Variants in SOX6 observed in about 807,000 individuals in gnomAD.
SOX6 encodes the protein transcription factor SOX-6.
SOX6 carries 11 observed loss-of-function variants against 97.8 expected under a neutral mutation model. That is an observed-to-expected ratio of 0.11 (90% CI 0.07 to 0.19). SOX6 has a LOEUF of 0.19. SOX6 is among the 10% of genes least tolerant of loss of function. SOX6 has a pLI of 1.00. For synonymous variants in SOX6, 360 were observed against 371.4 expected, an observed-to-expected ratio of 0.97 and a Z score of 0.35; for missense variants, 810 against 1,039.5, an observed-to-expected ratio of 0.78 and a Z score of 3.04.
intron 6 of SOX6, among the ~76,000 whole-genome samples, chr11:16,154,484 A>G (rs1850545419): frequency 6.6e-6 from 1 of 152,048 alleles, no homozygotes; most frequent in Non-Finnish European, 1.5e-5. Context: ...GAAATCAGCT[A>G]TTGATGCTTC....
At chr11:16,041,954 TAA>T (rs1379406852) in intron 12 of SOX6, among the ~76,000 whole-genome samples, 1 of 152,168 alleles carries the variant, frequency 6.6e-6, no homozygotes, top group East Asian at 1.9e-4. Flanking sequence ...AAGAAAAATT[TAA>T]AAACTAAACA....
chr11:16,419,924 T>C (rs1590196247), intron 1 of SOX6, among the ~76,000 whole-genome samples: 1 of 152,168 alleles, frequency 6.6e-6, no homozygotes, highest in East Asian at 1.9e-4. Context: ...AGAACATCCC[T>C]ACATGACGGG....
At chr11:16,052,572 G>C (rs1413604592) in intron 10 of SOX6, among the ~76,000 whole-genome samples, 1 of 151,882 alleles carries the variant, frequency 6.6e-6, no homozygotes, top group Admixed American at 6.6e-5. Flanking sequence ...GTGTCATTTT[G>C]GGGTCTATTT....
At chr11:16,541,187 TC>T (rs1861402587) in intron 4 of SOX6, among the ~76,000 whole-genome samples, 3 of 152,190 alleles carry the variant, frequency 2.0e-5, no homozygotes, top group Admixed American at 6.5e-5. Flanking sequence ...AGCCATCTGA[TC>T]TTTGACAAAA....
intron 3 of SOX6, among the ~76,000 whole-genome samples, chr11:16,616,831 T>C (rs1367058538): frequency 1.3e-5 from 2 of 151,926 alleles, no homozygotes; most frequent in African/African-American, 4.8e-5. Flanking sequence ...TTCTGACTTA[T>C]CAAATGATAT....
chr11:16,502,423 G>A (rs988343771), intron 4 of SOX6, among the ~76,000 whole-genome samples: 10 of 151,324 alleles, frequency 6.6e-5, no homozygotes, highest in African/African-American at 2.4e-4. Flanking sequence ...TAACAAACGT[G>A]CACGTTGTTA....
intron 4 of SOX6, among the ~76,000 whole-genome samples, chr11:16,591,096 A>G (rs1848144849): frequency 6.6e-6 from 1 of 152,126 alleles, no homozygotes; most frequent in Admixed American, 6.6e-5. Flanking sequence ...ATTAATTTTA[A>G]AAAGGTCTGT....
intron 4 of SOX6, among the ~76,000 whole-genome samples, chr11:16,603,770 TA>T (rs1459958968): frequency 2.6e-5 from 4 of 151,804 alleles, no homozygotes; most frequent in African/African-American, 9.7e-5. Context: ...CTCTTACCAA[TA>T]GTTGAACAGC....
intron 1 of SOX6, among the ~76,000 whole-genome samples, chr11:16,396,270 C>T (rs567124411): frequency 2.0e-4 from 31 of 151,738 alleles, no homozygotes; most frequent in African/African-American, 6.5e-4. Context: ...TTTATTATTT[C>T]ACTTACAATA....
chr11:16,618,860 C>G (rs1001402942), intron 3 of SOX6, among the ~76,000 whole-genome samples: 1 of 151,980 alleles, frequency 6.6e-6, no homozygotes, highest in Non-Finnish European at 1.5e-5. Context: ...AATAATAACA[C>G]AGAATTATTT....
intron 15 of SOX6, among the ~76,000 whole-genome samples, chr11:15,979,849 T>C (rs184279402): frequency 2.2e-4 from 34 of 152,144 alleles, no homozygotes; most frequent in African/African-American, 8.2e-4. Flanking sequence ...AAACTTCCTA[T>C]CCCTTTCCCT....
chr11:16,736,129 A>G (rs1026766920), intron 2 of SOX6, among the ~76,000 whole-genome samples: 1 of 152,188 alleles, frequency 6.6e-6, no homozygotes. Flanking sequence ...CATCCTTCCT[A>G]TATTAATTCA....
chr11:16,507,069 T>TAAC (rs1486958603), intron 4 of SOX6, among the ~76,000 whole-genome samples: 1 of 151,738 alleles, frequency 6.6e-6, no homozygotes, highest in African/African-American at 2.4e-5. Flanking sequence ...GTCTCAAAAA[T>TAAC]AATAATAATA....
upstream of SOX6, among the ~76,000 whole-genome samples, chr11:16,477,906 G>A (rs561801081): frequency 8.9e-4 from 135 of 152,250 alleles, 1 homozygote; most frequent in Non-Finnish European, 9.4e-4. Flanking sequence ...AGTCTGGCTA[G>A]CTCTGTCATT....
intron 2 of SOX6, among the ~76,000 whole-genome samples, chr11:16,734,240 AATCATCAACC>A (rs1034631976): frequency 1.4e-4 from 21 of 152,188 alleles, no homozygotes; most frequent in Non-Finnish European, 2.9e-5. Flanking sequence ...GGAGTTACCC[AATCATCAACC>A]ATCATCAACC....
chr11:16,104,244 A>T (rs1464099079), intron 7 of SOX6, among the ~76,000 whole-genome samples: 3 of 151,992 alleles, frequency 2.0e-5, no homozygotes, highest in South Asian at 2.1e-4. Context: ...CAACTATTAC[A>T]ATAGCAGTTC....
chr11:16,418,527 AAG>A (rs774007684), intron 1 of SOX6, among the ~76,000 whole-genome samples: 62 of 152,186 alleles, frequency 4.1e-4, no homozygotes, highest in Non-Finnish European at 7.9e-4. Context: ...CATCTGGAAT[AAG>A]AGAAATGGGA....
chr11:16,326,043 G>A (rs722746), intron 2 of SOX6, among the ~76,000 whole-genome samples: 59,640 of 151,896 alleles, frequency 0.39, 12,424 homozygotes, highest in East Asian at 0.48. Context: ...AGAAATAAAT[G>A]TCTGTTGTTT....
At chr11:16,136,565 A>AT (rs1304034860) in intron 6 of SOX6, among the ~76,000 whole-genome samples, 2 of 151,690 alleles carry the variant, frequency 1.3e-5, no homozygotes, top group Non-Finnish European at 2.9e-5. Flanking sequence ...ATTTTTGAAA[A>AT]TTTTTTTGTA....
Sources: gnomAD v4.1 joint callset for allele counts (sites outside exome capture counted in the v4.1 genomes callset) on GRCh38, gnomAD v4.1.1 for gene constraint, MANE v1.5 for transcripts, NCBI Gene and HGNC (gene_info 2026-07-23, HGNC 2026-07-21) for gene names.